The following SLC6A11 variants were observed in gnomAD, a reference collection of about 807,000 sequenced individuals.
SLC6A11 encodes the protein sodium- and chloride-dependent GABA transporter 3.
Under a neutral mutation model 74.8 loss-of-function variants are expected in SLC6A11, and 25 were observed. The observed-to-expected ratio is 0.33, with a 90% CI of 0.24 to 0.47. SLC6A11 has a LOEUF of 0.47. Among genes scored for constraint, SLC6A11 ranks in the 20% least tolerant of loss-of-function variants. The pLI is 1.00. For synonymous variants in SLC6A11, 330 were observed against 330.2 expected (o/e 1.00, Z 0.01); for missense variants, 574 against 837.0 (o/e 0.69, Z 3.88).
At chr3:10,845,568 A>G (rs1483077562) in intron 5 of SLC6A11, among the ~76,000 whole-genome samples, 1 of 152,152 alleles carries the variant, frequency 6.6e-6, no homozygotes, top group East Asian at 1.9e-4. Flanking sequence ...TTTCCAAAAG[A>G]TGTTCCCCTC....
At chr3:10,853,500 G>C (rs1413423836) in intron 5 of SLC6A11, among the ~76,000 whole-genome samples, 1 of 152,122 alleles carries the variant, frequency 6.6e-6, no homozygotes, top group African/African-American at 2.4e-5. Context: ...ATGTCAGTTG[G>C]CATCCAAGCA....
At chr3:10,917,892 C>T (rs1343496617) in intron 7 of SLC6A11, among the ~76,000 whole-genome samples, 7 of 152,140 alleles carry the variant, frequency 4.6e-5, no homozygotes, top group African/African-American at 4.8e-5. Context: ...GGTGCAAGGC[C>T]CATGGTTTCT....
At chr3:10,881,325 A>AGGATT (rs1054732369) in intron 6 of SLC6A11, among the ~76,000 whole-genome samples, 35 of 152,326 alleles carry the variant, frequency 2.3e-4, no homozygotes, top group African/African-American at 8.2e-4. Flanking sequence ...CTGAGGCAGG[A>AGGATT]GGATTGCTTG....
chr3:10,910,996 A>G (rs1396759048), intron 6 of SLC6A11, among the ~76,000 whole-genome samples: 1 of 151,720 alleles, frequency 6.6e-6, no homozygotes, highest in East Asian at 1.9e-4. Context: ...TAATTTTTGT[A>G]TTTTTAGTAC....
chr3:10,876,705 A>G (rs1473298971), intron 6 of SLC6A11, among the ~76,000 whole-genome samples: 1 of 141,428 alleles, frequency 7.1e-6, no homozygotes, highest in Admixed American at 7.2e-5. Flanking sequence ...AGTTTGGGAA[A>G]ATCCAGGTGG....
At chr3:10,911,023 T>C (rs1221357248) in intron 6 of SLC6A11, among the ~76,000 whole-genome samples, 2 of 152,048 alleles carry the variant, frequency 1.3e-5, no homozygotes, top group Non-Finnish European at 2.9e-5. Flanking sequence ...GGTTTCGCCA[T>C]GTTGGCCAGG....
At chr3:10,891,534 CAT>C (rs1559573597) in intron 6 of SLC6A11, among the ~76,000 whole-genome samples, 1 of 152,144 alleles carries the variant, frequency 6.6e-6, no homozygotes, top group African/African-American at 2.4e-5. Flanking sequence ...GTTTCTTACA[CAT>C]AGAGTAAAAT....
In SLC6A11 at chr3:10,926,239, C is replaced by G. The variant is rs1352944409; in HGVS notation, c.1233+123C>G. The G allele has an allele frequency of 3.1e-6, 2 of 651,948 alleles. No individual in the cohort carries two copies. The highest frequency in any genetic ancestry group is 5.5e-6 in the Non-Finnish European group (2 of 366,572). The allele number at this position is 651,948 out of a possible 1,614,324, so 40.4% of individuals were successfully genotyped here. A position where few individuals can be genotyped will look rare whatever the true frequency, so the allele number is the denominator to read the frequency against. On this transcript the variant is annotated intron_variant, in intron 9 of 13. Transcript: ENST00000254488. This position sits in a 1 kb window ranked among gnomAD's most constrained non-coding sequence, Gnocchi z 5.7. ...CCCACCTGGCCCTGGCATCAGGGCC[C>G]TGCCCACCGTCCCCCATTCCACCCT...
intron 4 of SLC6A11, chr3:10,823,712 T>G (rs1694167480): frequency 3.7e-6 from 1 of 271,738 alleles, no homozygotes; most frequent in Admixed American, 4.6e-5. Context: ...GCAGCCTGTT[T>G]GCAATAAGCT....
intron 6 of SLC6A11, among the ~76,000 whole-genome samples, chr3:10,895,608 G>A (rs779107721): frequency 3.2e-4 from 49 of 152,190 alleles, no homozygotes; most frequent in African/African-American, 6.5e-4. Flanking sequence ...GGGGGATAGC[G>A]GGAGGGAGAG....
At chr3:10,878,784 C>A (rs575456071) in intron 6 of SLC6A11, among the ~76,000 whole-genome samples, 2 of 152,154 alleles carry the variant, frequency 1.3e-5, no homozygotes, top group East Asian at 3.9e-4. Flanking sequence ...CACCATGCAC[C>A]ACCCCCAGCA....
intron 6 of SLC6A11, among the ~76,000 whole-genome samples, chr3:10,898,846 C>T (rs1248254514): frequency 2.6e-5 from 4 of 152,102 alleles, no homozygotes; most frequent in African/African-American, 7.3e-5. Context: ...TCCATTTTCA[C>T]GTTGCTGATA....
intron 5 of SLC6A11, among the ~76,000 whole-genome samples, chr3:10,863,090 A>C (rs1694722174): frequency 6.6e-6 from 1 of 152,244 alleles, no homozygotes; most frequent in Non-Finnish European, 1.5e-5. Flanking sequence ...TTATTCATGC[A>C]CCAACTATTT....
At chr3:10,893,717 G>T (rs148361820) in intron 6 of SLC6A11, among the ~76,000 whole-genome samples, 3 of 152,106 alleles carry the variant, frequency 2.0e-5, no homozygotes, top group Non-Finnish European at 4.4e-5. Context: ...CTGCTGTCTT[G>T]TGGGTTGGTT....
chr3:10,907,768 G>C (rs1391996576), intron 6 of SLC6A11, among the ~76,000 whole-genome samples: 2 of 152,178 alleles, frequency 1.3e-5, no homozygotes, highest in African/African-American at 4.8e-5. Context: ...TTTATATACA[G>C]CCAAATTGCC....
rs777740708 is a variant in SLC6A11 at position 10,869,312 on chromosome 3, CA to C, written c.757-5648del. Among the ~76,000 whole-genome samples, 5 of 152,300 alleles carry C rather than the reference CA, an allele frequency of 3.3e-5. No individual in the cohort carries two copies. In the South Asian group the frequency reaches 1.0e-3, roughly 32 times the overall value. On this transcript the variant is annotated intron_variant, in intron 5 of 13. Coordinates refer to ENST00000254488, the MANE Select transcript of SLC6A11 (RefSeq NM_014229.3). ...ATTCATCCTCTCAGCAACATCTGGGCAGACAGTGTGGTTTATGAGGCTAAGA... is the reference window on the plus strand; with the variant it reads ...ATTCATCCTCTCAGCAACATCTGGGCGACAGTGTGGTTTATGAGGCTAAGA...
chr3:10,883,649 G>T (rs1451723666), intron 6 of SLC6A11, among the ~76,000 whole-genome samples: 1 of 152,070 alleles, frequency 6.6e-6, no homozygotes, highest in African/African-American at 2.4e-5. Flanking sequence ...CAAGACCCCA[G>T]TTCAAGACCC....
intron 6 of SLC6A11, among the ~76,000 whole-genome samples, chr3:10,875,785 A>G (rs1366698388): frequency 2.6e-5 from 4 of 152,202 alleles, no homozygotes; most frequent in Non-Finnish European, 5.9e-5. Flanking sequence ...CGTTAAACAG[A>G]TAAAAACAGA....
intron 5 of SLC6A11, among the ~76,000 whole-genome samples, chr3:10,866,465 C>T (rs1036402465): frequency 1.3e-5 from 2 of 152,208 alleles, no homozygotes; most frequent in Non-Finnish European, 2.9e-5. Context: ...CTGTTCCCAG[C>T]TCCAGTCCTG....
Sources: allele counts gnomAD v4.1 joint callset (sites outside exome capture counted in the v4.1 genomes callset), GRCh38; gene constraint gnomAD v4.1.1; non-coding constraint Gnocchi (gnomAD v3.1); transcripts MANE v1.5; gene names NCBI Gene and HGNC (gene_info 2026-07-23, HGNC 2026-07-21).